Variants in SPTB observed in about 807,000 individuals in gnomAD.
The protein encoded by SPTB is spectrin beta, erythrocytic.
A neutral mutation model predicts 256.2 loss-of-function variants in SPTB; 45 were observed. The ratio of observed to expected loss-of-function variants is 0.18; its 90% CI spans 0.14 to 0.23. SPTB has a LOEUF of 0.23. Ranked by LOEUF, SPTB falls within the 10% of genes least tolerant of loss-of-function variation. The probability of loss-of-function intolerance (pLI) is 1.00; values close to 1 mark genes in which losing one functional copy is unlikely to be tolerated. For missense variants in SPTB, 2,715 were observed against 3,040.4 expected (o/e 0.89, Z 2.52); for synonymous variants, 1,231 against 1,243.1 (o/e 0.99, Z 0.21).
At position 64,792,804 on chromosome 14, in the gene SPTB, AAAGGGTG is replaced by A. The variant is rs2082697617; in HGVS notation, c.2666+186_2666+192del. On this transcript the variant is annotated intron_variant, in intron 14 of 35. Transcript: ENST00000644917. This position sits in a 1 kb window ranked among gnomAD's most constrained non-coding sequence, Gnocchi z 4.2. Reference sequence around the variant, plus strand: ...CTTTGTTTGAGGAACACAAGGCCCCAAAGGGTGAAGTACCCCAGGCCACAGAGCCAGA... The same window carrying A: ...CTTTGTTTGAGGAACACAAGGCCCCAAAGTACCCCAGGCCACAGAGCCAGA... Among the ~76,000 whole-genome samples the A allele has an allele frequency of 6.6e-6, 1 of 152,216 alleles. No homozygotes were observed. Among genetic ancestry groups the A allele is most frequent in the Non-Finnish European group, 1.5e-5 (1 of 68,038 alleles).
At chr14:64,783,201 ATAGT>A (rs140493000) in intron 19 of SPTB, among the ~76,000 whole-genome samples, 9 of 148,636 alleles carry the variant, frequency 6.1e-5, no homozygotes, top group African/African-American at 2.4e-4. Flanking sequence ...ATCACTAATA[ATAGT>A]TAATTTTTTT....
At chr14:64,783,818 G>A (rs1415467082) in intron 19 of SPTB, among the ~76,000 whole-genome samples, 2 of 152,168 alleles carry the variant, frequency 1.3e-5, no homozygotes, top group African/African-American at 2.4e-5. Flanking sequence ...GAGTGGAAAC[G>A]ACCACTCCCC....
intron 2 of SPTB, among the ~76,000 whole-genome samples, chr14:64,817,128 A>G (rs559582601): frequency 6.6e-6 from 1 of 152,356 alleles, no homozygotes; most frequent in South Asian, 2.1e-4. Flanking sequence ...GCTTTTATCA[A>G]GAGTGGTAAG....
At position 64,802,184 on chromosome 14, in the gene SPTB, G is replaced by A. The variant is rs762251599; in HGVS notation, c.566+42C>T. 2.0e-5 allele frequency: 31 copies of A among 1,578,772 alleles called. No individual in the cohort carries two copies. The African/African-American group carries it at 3.9e-4, about 20-fold the overall frequency. On this transcript the variant is annotated intron_variant, in intron 5 of 35. Coordinates refer to ENST00000644917, the MANE Select transcript of SPTB (RefSeq NM_001355436.2). This position sits in a 1 kb window ranked among gnomAD's most constrained non-coding sequence, Gnocchi z 5.1. ...ATGGCAGTGCTTGTGCGGAGCAAGG[G>A]GCTGGTGGTGGATGTGCTAACAGCT...
Position 64,759,240 on chromosome 14 carries a change from C to T in SPTB, c.6346-5447G>A, listed in dbSNP as rs1044280760. ...ACAGGTGGTGTGGGAAGGCAGGGAGCCAAGTAGCTAGGCAGGGAGCCAAGT... is the reference window on the plus strand; with the variant it reads ...ACAGGTGGTGTGGGAAGGCAGGGAGTCAAGTAGCTAGGCAGGGAGCCAAGT... On this transcript the variant is annotated intron_variant, in intron 32 of 35. Coordinates refer to ENST00000644917, the MANE Select transcript of SPTB (RefSeq NM_001355436.2). The surrounding 1 kb of genome is among the most constrained non-coding windows in gnomAD (Gnocchi z 4.8). Among the ~76,000 whole-genome samples the T allele has an allele frequency of 9.2e-6, 1 of 109,002 alleles. No homozygotes were observed. Among genetic ancestry groups the T allele is most frequent in the African/African-American group, 4.1e-5 (1 of 24,484 alleles). 71.5% of individuals were successfully genotyped at this position (109,002 alleles called of 152,430 possible). A position where few individuals can be genotyped will look rare whatever the true frequency, so the allele number is the denominator to read the frequency against.
chr14:64,769,123 G>A lies in SPTB; in HGVS notation c.5938-5C>T. The A allele has an allele frequency of 6.2e-7, 1 of 1,613,156 alleles. No homozygotes were observed. The highest frequency in any genetic ancestry group is 1.3e-5 in the African/African-American group (1 of 75,038). ...CTGCTGCAGTTTCTCGCGGATCTATGGGGAGGAAAGGGAGAAAAGCTCAGG... is the reference window on the plus strand; with the variant it reads ...CTGCTGCAGTTTCTCGCGGATCTATAGGGAGGAAAGGGAGAAAAGCTCAGG... On this transcript the variant is annotated splice_polypyrimidine_tract_variant and splice_region_variant and intron_variant, in intron 28 of 35. Transcript: ENST00000644917.
intron 33 of SPTB, among the ~76,000 whole-genome samples, chr14:64,750,993 TATA>T (rs2081939714): frequency 6.9e-6 from 1 of 145,270 alleles, no homozygotes; most frequent in Non-Finnish European, 1.5e-5. Context: ...ATACATTATA[TATA>T]ATACATTATA....
intron 23 of SPTB, 149 bp from the exon 24 acceptor site, chr14:64,774,676 T>C: frequency 8.1e-7 from 1 of 1,229,796 alleles, no homozygotes; most frequent in Non-Finnish European, 1.1e-6. Flanking sequence ...GCTTCCTTCC[T>C]GCCCTTCTGA....
intron 1 of SPTB, among the ~76,000 whole-genome samples, chr14:64,872,825 G>C (rs1882615014): frequency 6.6e-6 from 1 of 152,214 alleles, no homozygotes; most frequent in Non-Finnish European, 1.5e-5. Flanking sequence ...CATGAGATTT[G>C]ATGGTTTTAT....
Position 64,802,338 on chromosome 14 carries a change from G to A in SPTB, c.475-21C>T, listed in dbSNP as rs377668114. On this transcript the variant is annotated intron_variant, in intron 4 of 35. Coordinates refer to ENST00000644917, the MANE Select transcript of SPTB (RefSeq NM_001355436.2). This position sits in a 1 kb window ranked among gnomAD's most constrained non-coding sequence, Gnocchi z 5.1. The stretch of plus-strand genomic sequence containing the variant: ...TGAATCTGAGGGTAGCAGAACAAGA[G>A]AGATTTGAAGAGGATGTGCATCTGG... The A allele has an allele frequency of 1.6e-5, 25 of 1,611,244 alleles. No individual in the cohort carries two copies. The highest frequency in any genetic ancestry group is 2.1e-5 in the Non-Finnish European group (25 of 1,177,848).
In SPTB at chr14:64,823,812, G is replaced by A. The variant is rs1211679141; in HGVS notation, c.-51-667C>T. ...GGGCTTCTTTGGAGCATGACCAGGT[G>A]CTCAGATGAGGTCTCCTGTTGAATT... On this transcript the variant is annotated intron_variant, in intron 1 of 35. Transcript: ENST00000644917. This position sits in a 1 kb window ranked among gnomAD's most constrained non-coding sequence, Gnocchi z 6.5. Among the ~76,000 whole-genome samples, 2 of 152,158 alleles carry A rather than the reference G, an allele frequency of 1.3e-5. No homozygotes were observed. Among genetic ancestry groups the A allele is most frequent in the Admixed American group, 6.5e-5 (1 of 15,274 alleles).
intron 23 of SPTB, among the ~76,000 whole-genome samples, chr14:64,774,768 T>C (rs2082332505): frequency 6.6e-6 from 1 of 152,188 alleles, no homozygotes; most frequent in African/African-American, 2.4e-5. Context: ...TTTTGTGCTC[T>C]AACCCCTGTC....
At chr14:64,773,576 G>T in intron 24 of SPTB, 152 bp from the exon 25 acceptor site, 1 of 832,382 alleles carries the variant, frequency 1.2e-6, no homozygotes, top group Non-Finnish European at 2.0e-6. Flanking sequence ...TGCCGGGGAA[G>T]AGCTGGGGAG....
At chr14:64,822,894 T>A (rs2083318151) in intron 2 of SPTB, 53 bp downstream of exon 2, 2 of 1,610,804 alleles carry the variant, frequency 1.2e-6, no homozygotes, top group Admixed American at 3.3e-5. Flanking sequence ...GGGAGGGCTG[T>A]GAACCTTGTG....
In SPTB at chr14:64,806,226, G is replaced by A. The variant is rs1459125711; in HGVS notation, c.149-1136C>T. The stretch of plus-strand genomic sequence containing the variant: ...AAACAAATAAGATAGAATTGAAGGT[G>A]AGAAGAGAGGAGTGAGCCCTCTCTG... On this transcript the variant is annotated intron_variant, in intron 2 of 35. Transcript: ENST00000644917. This position sits in a 1 kb window ranked among gnomAD's most constrained non-coding sequence, Gnocchi z 4.1. Among the ~76,000 whole-genome samples, 1 of 152,228 alleles carries A rather than the reference G, an allele frequency of 6.6e-6. No homozygotes were observed.
At chr14:64,767,202 G>T in intron 31 of SPTB, 101 bp downstream of exon 31, 1 of 1,488,832 alleles carries the variant, frequency 6.7e-7, no homozygotes, top group Non-Finnish European at 9.3e-7. Context: ...AGTGTGAGAA[G>T]TCAAATGCAA....
At chr14:64,857,320 C>T (rs1370856374) in intron 1 of SPTB, among the ~76,000 whole-genome samples, 1 of 152,076 alleles carries the variant, frequency 6.6e-6, no homozygotes, top group African/African-American at 2.4e-5. Context: ...CAGTGGCCCA[C>T]GCTTATAATC....
intron 1 of SPTB, among the ~76,000 whole-genome samples, chr14:64,843,119 A>T (rs566441172): frequency 6.6e-6 from 1 of 152,232 alleles, no homozygotes; most frequent in Non-Finnish European, 1.5e-5. Context: ...ATCATCAGAC[A>T]TAGGCTATCC....
rs771777545 is a variant in SPTB, at chr14:64,779,977, C to T, written c.4267-46G>A. On this transcript the variant is annotated intron_variant, in intron 20 of 35. Coordinates refer to ENST00000644917, the MANE Select transcript of SPTB (RefSeq NM_001355436.2). This position sits in a 1 kb window ranked among gnomAD's most constrained non-coding sequence, Gnocchi z 4.2. ...GTCAGCACCAGCCTTGGCACCTGCA[C>T]AGCCCCTCCATCTTCTTCATTCATC... 2.0e-6 allele frequency: 3 copies of T among 1,512,610 alleles called. No homozygotes were observed. Among genetic ancestry groups the T allele is most frequent in the Admixed American group, 3.3e-5 (2 of 59,922 alleles). 93.7% of individuals were successfully genotyped at this position (1,512,610 alleles called of 1,614,324 possible).
Sources: gnomAD v4.1 joint callset for allele counts (sites outside exome capture counted in the v4.1 genomes callset) on GRCh38, gnomAD v4.1.1 for gene constraint, Gnocchi (gnomAD v3.1) non-coding constraint, MANE v1.5 for transcripts, NCBI Gene and HGNC (gene_info 2026-07-23, HGNC 2026-07-21) for gene names.